The following HTR2C variants were observed in gnomAD, a reference collection of about 807,000 sequenced individuals.
HTR2C encodes 5-hydroxytryptamine receptor 2C.
Under a neutral mutation model 21.0 loss-of-function variants are expected in HTR2C, and 5 were observed. That is an observed-to-expected ratio of 0.24 (90% CI 0.12 to 0.50). The LOEUF is 0.50. Ranked by LOEUF, HTR2C falls within the 20% of genes least tolerant of loss-of-function variation. The pLI is 0.98. For synonymous variants in HTR2C, 150 were observed against 145.3 expected (o/e 1.03, Z -0.23); for missense variants, 271 against 371.2 (o/e 0.73, Z 2.22).
At position 114,848,203 on chromosome X, in the gene HTR2C, G is replaced by A. The variant is rs1556468225; in HGVS notation, c.550G>A (p.Gly184Ser). Reference sequence around the variant, plus strand: ...TGCTATTGTTTGGGCAATTTCTATAGGTAAATAAAACTTTTTGGCCATAAG... The same window carrying A: ...TGCTATTGTTTGGGCAATTTCTATAAGTAAATAAAACTTTTTGGCCATAAG... The part of the protein sequence containing the change: ...KIAIVWAISI[G>S]VSVPIPVIGL... The change falls in exon 5 of 6, where the codon GGT becomes AGT. Residue 184 changes from glycine to serine, a missense_variant and splice_region_variant. Coordinates refer to ENST00000276198, the MANE Select transcript of HTR2C (RefSeq NM_000868.4). 8.3e-7 allele frequency: 1 copy of A among 1,202,145 alleles called. No individual in the cohort carries two copies. The highest frequency in any genetic ancestry group is 1.7e-5 in the African/African-American group (1 of 57,714).
chrX:114,728,984 G>A (rs1022073353), intron 3 of HTR2C, among the ~76,000 whole-genome samples: 5 of 112,128 alleles, frequency 4.5e-5, no homozygotes, highest in African/African-American at 1.6e-4. Flanking sequence ...TGAAGACGCA[G>A]TTTAGTATTT....
intron 2 of HTR2C, among the ~76,000 whole-genome samples, chrX:114,694,128 G>T (rs1294114115): frequency 7.2e-5 from 8 of 110,446 alleles, no homozygotes; most frequent in Non-Finnish European, 9.5e-5. Context: ...GCCCCACTTA[G>T]CTTTTCCCTG....
At chrX:114,884,051 T>C (rs1556480530) in intron 5 of HTR2C, among the ~76,000 whole-genome samples, 1 of 111,374 alleles carries the variant, frequency 9.0e-6, no homozygotes, top group Non-Finnish European at 1.9e-5. Context: ...CTTGGCTTAA[T>C]TCATGTAGCA....
intron 2 of HTR2C, among the ~76,000 whole-genome samples, chrX:114,615,136 T>A (rs782565419): frequency 9.0e-6 from 1 of 111,697 alleles, no homozygotes; most frequent in African/African-American, 3.2e-5. Context: ...AGGTTGGGAA[T>A]GTCTGCTGCA....
chrX:114,845,250 TAAAC>T (rs782359233), intron 4 of HTR2C, among the ~76,000 whole-genome samples: 37 of 110,295 alleles, frequency 3.4e-4, no homozygotes, highest in Non-Finnish European at 5.1e-4. Flanking sequence ...ATGCAAAAAT[TAAAC>T]AATATTAAAC....
At chrX:114,609,757 G>A (rs1161389389) in intron 1 of HTR2C, among the ~76,000 whole-genome samples, 12 of 112,092 alleles carry the variant, frequency 1.1e-4, no homozygotes, top group Admixed American at 3.8e-4. Flanking sequence ...TGAAAATATC[G>A]TTTTGAACAA....
chrX:114,756,498 A>G (rs1207225355), intron 4 of HTR2C, among the ~76,000 whole-genome samples: 1 of 112,397 alleles, frequency 8.9e-6, no homozygotes, highest in African/African-American at 3.2e-5. Flanking sequence ...ACCACGCAGC[A>G]ATAAAAAGGA....
intron 2 of HTR2C, among the ~76,000 whole-genome samples, chrX:114,637,104 T>G (rs1007772203): frequency 4.5e-5 from 5 of 111,743 alleles, no homozygotes; most frequent in Non-Finnish European, 7.5e-5. Context: ...CACATAGATC[T>G]GTTGACATTT....
At chrX:114,807,497 C>CATATATATACATCAT (rs2070487564) in intron 4 of HTR2C, among the ~76,000 whole-genome samples, 1 of 66,765 alleles carries the variant, frequency 1.5e-5, no homozygotes, top group Non-Finnish European at 2.8e-5. Flanking sequence ...ATATATATAC[C>CATATATATACATCAT]ATATATATAC....
intron 5 of HTR2C, among the ~76,000 whole-genome samples, chrX:114,873,550 A>G (rs1227195817): frequency 6.2e-5 from 7 of 112,053 alleles, no homozygotes; most frequent in Admixed American, 4.7e-4. Context: ...ACTGTCTCAG[A>G]CTTTGTTTAG....
At chrX:114,632,803 T>C (rs190717538) in intron 2 of HTR2C, among the ~76,000 whole-genome samples, 1 of 110,726 alleles carries the variant, frequency 9.0e-6, no homozygotes, top group African/African-American at 3.3e-5. Context: ...TTAGAATTTA[T>C]TAAATTCTAA....
At chrX:114,784,705 C>T (rs969472020) in intron 4 of HTR2C, among the ~76,000 whole-genome samples, 2 of 108,663 alleles carry the variant, frequency 1.8e-5, no homozygotes, top group Non-Finnish European at 3.8e-5. Flanking sequence ...CTGCAAGCTC[C>T]GCCTCCCGGG....
intron 2 of HTR2C, among the ~76,000 whole-genome samples, chrX:114,686,257 C>T (rs1177580980): frequency 2.7e-5 from 3 of 111,468 alleles, no homozygotes; most frequent in African/African-American, 9.8e-5. Context: ...AGAAATAATT[C>T]CCCACTGGGT....
intron 4 of HTR2C, among the ~76,000 whole-genome samples, chrX:114,769,064 C>A (rs2069974068): frequency 9.1e-6 from 1 of 109,605 alleles, no homozygotes; most frequent in African/African-American, 3.3e-5. Context: ...TAACAGTACA[C>A]AAAGGTGATA....
chrX:114,796,763 TG>T (rs1556445380), intron 4 of HTR2C, among the ~76,000 whole-genome samples: 1 of 111,498 alleles, frequency 9.0e-6, no homozygotes, highest in Non-Finnish European at 1.9e-5. Context: ...CTGATCTTCT[TG>T]ACTCAGTACC....
intron 5 of HTR2C, among the ~76,000 whole-genome samples, chrX:114,894,213 G>A (rs1156698456): frequency 5.4e-5 from 6 of 111,426 alleles, no homozygotes; most frequent in Non-Finnish European, 1.1e-4. Flanking sequence ...ATCTTATCAC[G>A]ACTTTTAAAA....
intron 2 of HTR2C, among the ~76,000 whole-genome samples, chrX:114,724,677 C>T (rs184958757): frequency 1.9e-5 from 2 of 106,987 alleles, no homozygotes; most frequent in African/African-American, 3.4e-5. Context: ...CCATGTTTAG[C>T]CCTTCCTTCA....
chrX:114,626,539 T>G, intron 2 of HTR2C, among the ~76,000 whole-genome samples: 1 of 112,108 alleles, frequency 8.9e-6, no homozygotes, highest in Non-Finnish European at 1.9e-5. Context: ...TTCAAGAGCT[T>G]AAGACTCCAA....
chrX:114,662,082 A>G (rs782153641), intron 2 of HTR2C, among the ~76,000 whole-genome samples: 24 of 111,817 alleles, frequency 2.1e-4, no homozygotes, highest in African/African-American at 7.5e-4. Context: ...GCTAAAACAA[A>G]TGCTGAAGTA....
Sources: gnomAD v4.1 joint callset for allele counts (sites outside exome capture counted in the v4.1 genomes callset) on GRCh38, gnomAD v4.1.1 for gene constraint, MANE v1.5 for transcripts, NCBI Gene and HGNC (gene_info 2026-07-23, HGNC 2026-07-21) for gene names.